FILIP1L: variants seen among roughly 807,000 people sequenced by gnomAD.
FILIP1L encodes filamin A-interacting protein 1-like.
FILIP1L carries 55 observed loss-of-function variants against 96.6 expected under a neutral mutation model. The observed-to-expected ratio is 0.57, with a 90% CI of 0.46 to 0.71. The LOEUF is 0.71. Among genes scored for constraint, FILIP1L ranks in the 30% least tolerant of loss-of-function variants. FILIP1L has a pLI of 0.00. For synonymous variants in FILIP1L, 467 were observed against 473.9 expected, an observed-to-expected ratio of 0.99 and a Z score of 0.19; for missense variants, 1,304 against 1,321.2, an observed-to-expected ratio of 0.99 and a Z score of 0.20.
intron 1 of FILIP1L, among the ~76,000 whole-genome samples, chr3:100,091,386 T>C (rs768875453): frequency 5.9e-5 from 9 of 152,250 alleles, no homozygotes; most frequent in Non-Finnish European, 4.4e-5. Flanking sequence ...CAAAATGTTT[T>C]AATAAATGAA....
chr3:100,039,807 G>T (rs549890862), intron 1 of FILIP1L: 1 of 150,462 alleles, frequency 6.6e-6, no homozygotes, highest in African/African-American at 2.4e-5. Context: ...AGGCTGGAGT[G>T]CAGTGGCATG....
At chr3:100,055,018 G>A (rs538129308) in intron 1 of FILIP1L, among the ~76,000 whole-genome samples, 10 of 152,060 alleles carry the variant, frequency 6.6e-5, no homozygotes, top group East Asian at 5.8e-4. Flanking sequence ...CTCTGCTTCC[G>A]TGCTTTACCC....
At chr3:99,871,341 G>C (rs1329787126) in intron 4 of FILIP1L, among the ~76,000 whole-genome samples, 1 of 152,114 alleles carries the variant, frequency 6.6e-6, no homozygotes, top group Non-Finnish European at 1.5e-5. Context: ...CAGCTTCTAG[G>C]TTGTAATTTG....
chr3:99,885,621 C>T (rs1482857137), intron 4 of FILIP1L, among the ~76,000 whole-genome samples: 1 of 152,222 alleles, frequency 6.6e-6, no homozygotes, highest in Admixed American at 6.5e-5. Flanking sequence ...GCTCACTTGA[C>T]CTCTGAAAGG....
At chr3:100,096,920 T>TA (rs1414985780) in intron 1 of FILIP1L, among the ~76,000 whole-genome samples, 1 of 151,964 alleles carries the variant, frequency 6.6e-6, no homozygotes, top group Non-Finnish European at 1.5e-5. Context: ...AAATTAAAAA[T>TA]AAAAAAATTT....
chr3:99,833,499 T>G (rs1942772452), intron 5 of FILIP1L, among the ~76,000 whole-genome samples: 1 of 152,244 alleles, frequency 6.6e-6, no homozygotes, highest in African/African-American at 2.4e-5. Flanking sequence ...ATGACTCTTT[T>G]GTTCTTCCAC....
intron 4 of FILIP1L, among the ~76,000 whole-genome samples, chr3:99,901,283 G>A (rs1347518268): frequency 6.6e-6 from 1 of 152,164 alleles, no homozygotes; most frequent in Non-Finnish European, 1.5e-5. Flanking sequence ...AATGAGAAGA[G>A]TAGTCTCCCT....
At chr3:99,996,720 G>A (rs1220373203) in intron 1 of FILIP1L, among the ~76,000 whole-genome samples, 5 of 151,984 alleles carry the variant, frequency 3.3e-5, no homozygotes, top group Non-Finnish European at 7.4e-5. Flanking sequence ...ATGCAAAAGC[G>A]GAAACTCCTG....
At chr3:99,907,244 A>C (rs1372388393) in intron 4 of FILIP1L, among the ~76,000 whole-genome samples, 1 of 151,362 alleles carries the variant, frequency 6.6e-6, no homozygotes, top group Non-Finnish European at 1.5e-5. Context: ...TTACCCTTTT[A>C]ATTTTCTTTT....
intron 4 of FILIP1L, among the ~76,000 whole-genome samples, chr3:99,856,837 GAGTATT>G (rs764467674): frequency 1.6e-4 from 24 of 152,114 alleles, no homozygotes; most frequent in African/African-American, 5.6e-4. Flanking sequence ...GTGAGACACT[GAGTATT>G]AGTAATAATG....
At chr3:100,022,154 G>C (rs1165896512) in intron 1 of FILIP1L, among the ~76,000 whole-genome samples, 1 of 152,154 alleles carries the variant, frequency 6.6e-6, no homozygotes, top group Non-Finnish European at 1.5e-5. Context: ...AATGATATTA[G>C]AATAATGTTG....
At chr3:100,000,470 T>C (rs1709810476) in intron 1 of FILIP1L, among the ~76,000 whole-genome samples, 1 of 152,110 alleles carries the variant, frequency 6.6e-6, no homozygotes, top group Non-Finnish European at 1.5e-5. Context: ...CTAGGCCAAA[T>C]CAAGGAAGGG....
chr3:99,869,153 CT>C (rs1358685747), intron 4 of FILIP1L, among the ~76,000 whole-genome samples: 2 of 152,154 alleles, frequency 1.3e-5, no homozygotes, highest in South Asian at 2.1e-4. Flanking sequence ...GTTCTTGTCA[CT>C]TCTGGAAGGA....
chr3:99,847,722 C>T (rs1576507089), intron 5 of FILIP1L, among the ~76,000 whole-genome samples: 1 of 152,270 alleles, frequency 6.6e-6, no homozygotes, highest in Non-Finnish European at 1.5e-5. Context: ...TTATAGTTCA[C>T]TTTGAAATCA....
At chr3:99,986,648 A>G (rs1465061306) in intron 1 of FILIP1L, among the ~76,000 whole-genome samples, 1 of 152,104 alleles carries the variant, frequency 6.6e-6, no homozygotes. Context: ...ATGAAGATTA[A>G]ATGAAGTGGT....
At chr3:99,872,322 T>TGTGTGA (rs1491147270) in intron 4 of FILIP1L, among the ~76,000 whole-genome samples, 6 of 141,114 alleles carry the variant, frequency 4.3e-5, no homozygotes, top group Non-Finnish European at 6.2e-5. Context: ...TGTGTGTGTG[T>TGTGTGA]GACTGTGGGG....
chr3:100,083,578 T>G (rs558367487), intron 1 of FILIP1L, among the ~76,000 whole-genome samples: 1 of 152,368 alleles, frequency 6.6e-6, no homozygotes, highest in African/African-American at 2.4e-5. Flanking sequence ...AAATGATTTT[T>G]GCCAAGAAAC....
intron 1 of FILIP1L, among the ~76,000 whole-genome samples, chr3:100,023,685 C>T (rs1057405987): frequency 3.9e-5 from 6 of 152,022 alleles, no homozygotes; most frequent in African/African-American, 9.7e-5. Context: ...GAGTTGGCCT[C>T]ATATAAACCA....
chr3:99,872,119 A>G (rs1344350613), intron 4 of FILIP1L, among the ~76,000 whole-genome samples: 1 of 152,104 alleles, frequency 6.6e-6, no homozygotes, highest in Non-Finnish European at 1.5e-5. Context: ...CCAAGAATGC[A>G]GGGGGCCCTG....
Sources: gnomAD v4.1 joint callset for allele counts (sites outside exome capture counted in the v4.1 genomes callset) on GRCh38, gnomAD v4.1.1 for gene constraint, MANE v1.5 for transcripts, NCBI Gene and HGNC (gene_info 2026-07-23, HGNC 2026-07-21) for gene names.